Variants in PRKG1 observed in about 807,000 individuals in gnomAD.
The protein encoded by PRKG1 is protein kinase cGMP-dependent 1, also known as cGMP-dependent protein kinase 1.
In PRKG1, 35 loss-of-function variants were observed where a neutral mutation model predicts 88.1. The ratio of observed to expected loss-of-function variants is 0.40; its 90% CI spans 0.30 to 0.53. PRKG1 has a LOEUF of 0.53. Among genes scored for constraint, PRKG1 ranks in the 20% least tolerant of loss-of-function variants. PRKG1 has a pLI of 0.59. For synonymous variants in PRKG1, 303 were observed against 292.5 expected, an observed-to-expected ratio of 1.04 and a Z score of -0.37; for missense variants, 540 against 839.8, an observed-to-expected ratio of 0.64 and a Z score of 4.41.
rs116802489 is a variant in PRKG1 at position 51,995,274 on chromosome 10, G to A, written c.763-59210G>A. ...GTGTGTGGTAGGTACTTAATCAGAC[G>A]CCTGTTTTAACAGTGAATGAGTCTT... On this transcript the variant is annotated intron_variant, in intron 5 of 17. Transcript: ENST00000373980. 6.6e-3 allele frequency among the ~76,000 whole-genome samples: 1,010 copies of A among 151,974 alleles called. 11 individuals are homozygous for A. Among genetic ancestry groups the A allele is most frequent in the African/African-American group, 0.024 (979 of 41,450 alleles).
chr10:51,660,931 T>A (rs1188418067), intron 3 of PRKG1, among the ~76,000 whole-genome samples: 1 of 152,136 alleles, frequency 6.6e-6, no homozygotes, highest in Non-Finnish European at 1.5e-5. Context: ...AGTCCTCTAT[T>A]TTTATTTGGA....
intron 7 of PRKG1, among the ~76,000 whole-genome samples, chr10:52,066,474 G>T (rs1245522204): frequency 6.6e-6 from 1 of 152,152 alleles, no homozygotes; most frequent in Non-Finnish European, 1.5e-5. Flanking sequence ...ATGAATAGAT[G>T]AACAAATGAA....
At position 51,034,823 on chromosome 10, in the gene PRKG1, A is replaced by G. The variant is rs368443363; in HGVS notation, c.266+43179A>G. Among the ~76,000 whole-genome samples the G allele has an allele frequency of 2.0e-5, 3 of 151,534 alleles. No homozygotes were observed. The East Asian group carries it at 5.8e-4, about 29-fold the overall frequency. On this transcript the variant is annotated intron_variant, in intron 1 of 17. Coordinates refer to the PRKG1 transcript ENST00000401604. ...TTTTTAGAAAAAGTTAGAAAACAGTAGGACAAAAGACTGATATTGGGAGTG... is the reference window on the plus strand; with the variant it reads ...TTTTTAGAAAAAGTTAGAAAACAGTGGGACAAAAGACTGATATTGGGAGTG...
chr10:51,473,245 A>G (rs1315820327), intron 3 of PRKG1, among the ~76,000 whole-genome samples: 1 of 151,978 alleles, frequency 6.6e-6, no homozygotes, highest in Admixed American at 6.6e-5. Context: ...CTAGGTATCA[A>G]TGATGCTACA....
At position 51,219,709 on chromosome 10, in the gene PRKG1, CA is replaced by C. The variant is rs898464548; in HGVS notation, c.478+66389del. ...TGGGCCACAGTGCGAGACTCCATCT[CA>C]AAAAAAAAATAATAATAAAATTTAA... On this transcript the variant is annotated intron_variant, in intron 2 of 17. Transcript: ENST00000373980. Among the ~76,000 whole-genome samples the C allele has an allele frequency of 2.7e-3, 387 of 142,208 alleles. 1 individual carries two copies. Among genetic ancestry groups the C allele is most frequent in the African/African-American group, 9.2e-3 (355 of 38,470 alleles). The allele number at this position is 142,208 out of a possible 152,430, so 93.3% of individuals were successfully genotyped here.
intron 5 of PRKG1, among the ~76,000 whole-genome samples, chr10:51,917,891 T>C (rs1175929373): frequency 2.0e-5 from 3 of 152,238 alleles, no homozygotes; most frequent in African/African-American, 7.2e-5. Context: ...AAATGCTTGT[T>C]CATTGCTTTA....
At chr10:52,012,513 A>G (rs1158330610) in intron 5 of PRKG1, among the ~76,000 whole-genome samples, 1 of 152,138 alleles carries the variant, frequency 6.6e-6, no homozygotes, top group African/African-American at 2.4e-5. Flanking sequence ...AAGTGCTGGG[A>G]TTACAGGCGT....
chr10:51,909,622 A>C (rs1448174176), intron 5 of PRKG1: 1 of 151,866 alleles, frequency 6.6e-6, no homozygotes, highest in Non-Finnish European at 1.5e-5. Flanking sequence ...GGAATGAATG[A>C]ATGAATGAAT....
chr10:51,334,742 C>T (rs1221007079), intron 2 of PRKG1, among the ~76,000 whole-genome samples: 1 of 152,088 alleles, frequency 6.6e-6, no homozygotes, highest in Non-Finnish European at 1.5e-5. Context: ...AGGAGGGAAC[C>T]AGCAGTTATT....
At chr10:51,437,777 C>A (rs1838978712) in intron 2 of PRKG1, among the ~76,000 whole-genome samples, 2 of 150,582 alleles carry the variant, frequency 1.3e-5, no homozygotes, top group African/African-American at 4.9e-5. Context: ...TGCCTCTTCA[C>A]AGGAAACATT....
At chr10:51,756,301 A>G (rs1035032762) in intron 3 of PRKG1, among the ~76,000 whole-genome samples, 2 of 152,106 alleles carry the variant, frequency 1.3e-5, no homozygotes, top group African/African-American at 4.8e-5. Context: ...AGCCTGGGAA[A>G]TATAGTGAGA....
chr10:51,950,096 A>G (rs1467086734), intron 5 of PRKG1, among the ~76,000 whole-genome samples: 1 of 152,234 alleles, frequency 6.6e-6, no homozygotes, highest in East Asian at 1.9e-4. Context: ...AAGTTGGACT[A>G]CATAACTCCT....
At chr10:51,858,888 T>C (rs143815645) in intron 4 of PRKG1, among the ~76,000 whole-genome samples, 1 of 152,260 alleles carries the variant, frequency 6.6e-6, no homozygotes, top group African/African-American at 2.4e-5. Context: ...TTTATCTCAA[T>C]AGGCAAACAG....
intron 2 of PRKG1, among the ~76,000 whole-genome samples, chr10:51,389,484 G>A (rs1466235435): frequency 6.6e-6 from 1 of 151,912 alleles, no homozygotes; most frequent in Non-Finnish European, 1.5e-5. Flanking sequence ...CTAACATGCC[G>A]CCACAGCTGT....
intron 10 of PRKG1, among the ~76,000 whole-genome samples, chr10:52,263,106 A>AT (rs2132418866): frequency 6.6e-6 from 1 of 152,208 alleles, no homozygotes; most frequent in East Asian, 1.9e-4. Context: ...CATGATCCTA[A>AT]TTTTTTAAAA....
intron 12 of PRKG1, among the ~76,000 whole-genome samples, chr10:52,277,803 G>T (rs956294520): frequency 6.6e-6 from 1 of 152,234 alleles, no homozygotes; most frequent in African/African-American, 2.4e-5. Flanking sequence ...ATGAGAAATT[G>T]ATCTCTCACC....
intron 4 of PRKG1, among the ~76,000 whole-genome samples, chr10:51,848,119 G>A (rs1840451481): frequency 1.3e-5 from 2 of 151,972 alleles, no homozygotes; most frequent in African/African-American, 4.8e-5. Context: ...CCAAAATACA[G>A]CCCAGCAAAC....
chr10:51,417,489 A>C (rs545969043), intron 2 of PRKG1, among the ~76,000 whole-genome samples: 1 of 152,334 alleles, frequency 6.6e-6, no homozygotes, highest in African/African-American at 2.4e-5. Context: ...AGAATGTACA[A>C]GAGAAAATTA....
At chr10:51,046,304 G>C (rs1843487379) in intron 1 of PRKG1, among the ~76,000 whole-genome samples, 1 of 152,190 alleles carries the variant, frequency 6.6e-6, no homozygotes, top group Non-Finnish European at 1.5e-5. Context: ...TGATGATGGA[G>C]GCTTTGAGCC....
Sources: gnomAD v4.1 joint callset for allele counts (sites outside exome capture counted in the v4.1 genomes callset) on GRCh38, gnomAD v4.1.1 for gene constraint, MANE v1.5 for transcripts, NCBI Gene and HGNC (gene_info 2026-07-23, HGNC 2026-07-21) for gene names.